Variants in PTPRD observed in about 807,000 individuals in gnomAD.
The protein encoded by PTPRD is receptor-type tyrosine-protein phosphatase delta.
A neutral mutation model predicts 214.5 loss-of-function variants in PTPRD; 34 were observed. The observed-to-expected ratio is 0.16, with a 90% CI of 0.12 to 0.21. PTPRD has a LOEUF of 0.21. PTPRD is among the 10% of genes least tolerant of loss of function. PTPRD has a pLI of 1.00. For missense variants in PTPRD, 2,545 were observed against 2,398.7 expected (o/e 1.06, Z -1.27); for synonymous variants, 1,128 against 845.7 (o/e 1.33, Z -5.79).
At chr9:9,186,635 T>TCTCTCTGTCTCTCC (rs2099931736) in intron 9 of PTPRD, among the ~76,000 whole-genome samples, 1 of 2,740 alleles carries the variant, frequency 3.6e-4, no homozygotes, top group African/African-American at 9.7e-4. Flanking sequence ...TCTCTCCCTC[T>TCTCTCTGTCTCTCC]CTCTCTCTCT....
chr9:9,846,063 C>G (rs1036406920), intron 5 of PTPRD, among the ~76,000 whole-genome samples: 5 of 152,068 alleles, frequency 3.3e-5, no homozygotes, highest in East Asian at 3.9e-4. Flanking sequence ...AATTATGTAG[C>G]TAGGCATGGA....
chr9:10,512,213 G>C (rs12379963), intron 2 of PTPRD, among the ~76,000 whole-genome samples: 35,015 of 150,792 alleles, frequency 0.23, 4,822 homozygotes, highest in Non-Finnish European at 0.3. Flanking sequence ...AAAAAAATCA[G>C]TAAAAATTAA....
chr9:8,691,146 C>T (rs188414025), intron 12 of PTPRD, among the ~76,000 whole-genome samples: 1 of 152,176 alleles, frequency 6.6e-6, no homozygotes, highest in Admixed American at 6.5e-5. Context: ...GTGGCCACAT[C>T]CCCGAATATT....
chr9:8,594,529 A>C (rs2094351551), intron 14 of PTPRD, among the ~76,000 whole-genome samples: 1 of 152,060 alleles, frequency 6.6e-6, no homozygotes. Context: ...TCTCATCTTG[A>C]ATTGTAATCC....
chr9:9,734,793 G>T (rs1171584441), intron 6 of PTPRD, among the ~76,000 whole-genome samples: 1 of 151,948 alleles, frequency 6.6e-6, no homozygotes, highest in Non-Finnish European at 1.5e-5. Flanking sequence ...AAAAGGAAAT[G>T]TTCTAGCTCT....
intron 8 of PTPRD, among the ~76,000 whole-genome samples, chr9:9,471,739 C>T (rs1162254945): frequency 6.6e-6 from 1 of 151,122 alleles, no homozygotes; most frequent in African/African-American, 2.4e-5. Context: ...TTTCTTTACA[C>T]AAACTTTTAG....
At chr9:9,926,176 C>A (rs1172488109) in intron 5 of PTPRD, among the ~76,000 whole-genome samples, 1 of 152,076 alleles carries the variant, frequency 6.6e-6, no homozygotes, top group South Asian at 2.1e-4. Flanking sequence ...TTCTACCTAT[C>A]TTATACTTAC....
intron 9 of PTPRD, among the ~76,000 whole-genome samples, chr9:9,275,297 A>G (rs890881453): frequency 1.4e-5 from 2 of 138,858 alleles, no homozygotes; most frequent in African/African-American, 2.7e-5. Context: ...AGTTTTGCCA[A>G]TTTAAAATAG....
At chr9:10,111,965 G>T (rs1333988401) in intron 3 of PTPRD, among the ~76,000 whole-genome samples, 1 of 152,154 alleles carries the variant, frequency 6.6e-6, no homozygotes, top group Non-Finnish European at 1.5e-5. Flanking sequence ...GCTAAGTCCA[G>T]CAGATGTACT....
rs74391852 is a variant in PTPRD, at chr9:9,340,917, T to C, written c.-203+56532A>G. Among the ~76,000 whole-genome samples, 95 of 152,284 alleles carry C rather than the reference T, an allele frequency of 6.2e-4. No individual in the cohort carries two copies. In the East Asian group the frequency reaches 0.018, roughly 29 times the overall value. ...AAACTACTAGTGAAGAAAACAGTGA[T>C]AGTAACAGCAGTTTTTGAACCTAAA... On this transcript the variant is annotated intron_variant, in intron 9 of 45. Transcript: ENST00000381196.
chr9:8,660,717 T>C (rs1433727880), intron 12 of PTPRD, among the ~76,000 whole-genome samples: 2 of 152,134 alleles, frequency 1.3e-5, no homozygotes, highest in Admixed American at 6.5e-5. Context: ...AAGCCCTATA[T>C]TGTATCAGGC....
chr9:10,417,927 A>G, intron 2 of PTPRD, among the ~76,000 whole-genome samples: 1 of 151,222 alleles, frequency 6.6e-6, no homozygotes, highest in Non-Finnish European at 1.5e-5. Context: ...TTTTTTTTTT[A>G]AGTTTTAAAA....
chr9:9,931,507 C>T (rs746197160), intron 5 of PTPRD, among the ~76,000 whole-genome samples: 37 of 152,292 alleles, frequency 2.4e-4, no homozygotes, highest in African/African-American at 7.5e-4. Context: ...CCGAATACTG[C>T]GCTTTTCCGA....
At chr9:8,957,458 T>C (rs1374275520) in intron 11 of PTPRD, among the ~76,000 whole-genome samples, 4 of 151,826 alleles carry the variant, frequency 2.6e-5, no homozygotes, top group Non-Finnish European at 5.9e-5. Context: ...CCTTCTGTTC[T>C]GTTTTTGAAA....
At chr9:9,286,941 T>A in intron 9 of PTPRD, among the ~76,000 whole-genome samples, 1 of 125,934 alleles carries the variant, frequency 7.9e-6, no homozygotes, top group African/African-American at 2.9e-5. Context: ...TATATTTGTC[T>A]TTGGCTGGGC....
chr9:9,985,175 CA>C (rs1347427099), intron 4 of PTPRD, among the ~76,000 whole-genome samples: 1 of 152,178 alleles, frequency 6.6e-6, no homozygotes, highest in African/African-American at 2.4e-5. Context: ...ACGTCTTCTC[CA>C]ATAAGGTCTG....
intron 14 of PTPRD, among the ~76,000 whole-genome samples, chr9:8,564,758 C>T (rs1286071687): frequency 1.3e-5 from 2 of 151,978 alleles, no homozygotes; most frequent in African/African-American, 4.8e-5. Flanking sequence ...CTTGATTGGA[C>T]AAGAATCTCC....
intron 3 of PTPRD, among the ~76,000 whole-genome samples, chr9:10,300,030 T>C (rs759654468): frequency 6.6e-6 from 1 of 152,136 alleles, no homozygotes; most frequent in Non-Finnish European, 1.5e-5. Context: ...ATCCTATACA[T>C]TGTTAAAAAT....
chr9:9,256,593 A>G (rs922153749), intron 9 of PTPRD, among the ~76,000 whole-genome samples: 1 of 151,986 alleles, frequency 6.6e-6, no homozygotes, highest in Non-Finnish European at 1.5e-5. Flanking sequence ...AATGTTTGGC[A>G]GATCTGGGAC....
Sources: gnomAD v4.1 joint callset for allele counts (sites outside exome capture counted in the v4.1 genomes callset) on GRCh38, gnomAD v4.1.1 for gene constraint, MANE v1.5 for transcripts, NCBI Gene and HGNC (gene_info 2026-07-23, HGNC 2026-07-21) for gene names.